Variants in DNAH11 observed in about 807,000 individuals in gnomAD.
The protein encoded by DNAH11 is dynein axonemal heavy chain 11.
DNAH11 carries 442 observed loss-of-function variants against 526.0 expected under a neutral mutation model. The ratio of observed to expected loss-of-function variants is 0.84; its 90% CI spans 0.78 to 0.91. The LOEUF (loss-of-function observed/expected upper bound fraction) is 0.91, where lower values mean the gene tolerates loss of function less well. Among genes scored for constraint, DNAH11 ranks in the 40% least tolerant of loss-of-function variants. The pLI is 0.00. For missense variants in DNAH11, 6,989 were observed against 5,448.7 expected, an observed-to-expected ratio of 1.28 and a Z score of -8.90; for synonymous variants, 2,461 against 1,935.9, an observed-to-expected ratio of 1.27 and a Z score of -7.12.
chr7:21,690,844 C>G lies in DNAH11; in HGVS notation c.6004C>G (p.Arg2002Gly), dbSNP rs373844629. The G allele has an allele frequency of 1.2e-6, 2 of 1,612,578 alleles. No individual in the cohort carries two copies. Among genetic ancestry groups the G allele is most frequent in the Non-Finnish European group, 1.7e-6 (2 of 1,179,408 alleles). ...TACTATGAACCCGGGTTATGCTGGT[C>G]GAACCGAATTACCGGAAAATCTCAA... The part of the protein sequence containing the change: ...FITMNPGYAG[R>G]TELPENLKAL... The change falls in exon 35 of 82, where the codon CGA becomes GGA. Residue 2002 changes from arginine (R) to glycine (G), a missense_variant. Coordinates refer to ENST00000409508, the MANE Select transcript of DNAH11 (RefSeq NM_001277115.2).
rs979774970 is a variant in DNAH11 at position 21,661,424 on chromosome 7, G to T, written c.5328+2393G>T. Among the ~76,000 whole-genome samples the T allele has an allele frequency of 1.8e-4, 27 of 151,736 alleles. 1 individual carries two copies. The highest frequency in any genetic ancestry group is 7.2e-4 in the Admixed American group (11 of 15,218). Reference sequence around the variant, plus strand: ...ACTTCCTTTTTGATAATCCAGCTGGGTATAGAATTCTAAGTTGATAGTTTT... The same window carrying T: ...ACTTCCTTTTTGATAATCCAGCTGGTTATAGAATTCTAAGTTGATAGTTTT... On this transcript the variant is annotated intron_variant, in intron 30 of 81. Coordinates refer to ENST00000409508, the MANE Select transcript of DNAH11 (RefSeq NM_001277115.2).
intron 34 of DNAH11, among the ~76,000 whole-genome samples, chr7:21,689,828 G>A (rs537975698): frequency 5.9e-5 from 9 of 152,306 alleles, no homozygotes; most frequent in African/African-American, 2.2e-4. Flanking sequence ...TCTCAGCAAT[G>A]CAAGAGATCA....
At chr7:21,706,172 A>C (rs978935558) in intron 39 of DNAH11, among the ~76,000 whole-genome samples, 1 of 152,000 alleles carries the variant, frequency 6.6e-6, no homozygotes, top group African/African-American at 2.4e-5. Context: ...TGTATGATTT[A>C]CTCGGCACAA....
At chr7:21,681,861 C>T in intron 31 of DNAH11, 184 bp downstream of exon 31, 1 of 779,500 alleles carries the variant, frequency 1.3e-6, no homozygotes, top group Non-Finnish European at 2.2e-6. Flanking sequence ...TCTGATGAGA[C>T]CTATTCCAAG....
intron 63 of DNAH11, among the ~76,000 whole-genome samples, chr7:21,811,405 G>A (rs189172856): frequency 2.2e-4 from 34 of 151,610 alleles, no homozygotes; most frequent in Middle Eastern, 3.4e-3. Context: ...GCAGTGAGCC[G>A]AGATCGCGCC....
In DNAH11 at chr7:21,842,716, A is replaced by C. The variant is rs770389913; in HGVS notation, c.10864A>C (p.Ser3622Arg). 4 of 1,612,414 alleles carry C rather than the reference A, an allele frequency of 2.5e-6. No individual in the cohort carries two copies. The highest frequency in any genetic ancestry group is 4.5e-5 in the East Asian group (2 of 44,878). ...LEAQLLAEVV[S>R]IERPDLEKLK... ...AGCCCAGCTGCTGGCAGAGGTTGTC[A>C]GTATTGAAAGGCCAGATTTGGAGAA... Residue 3622 changes from serine to arginine, a missense_variant, in exon 66 of 82, where the codon AGT (serine) becomes CGT (arginine). Transcript: ENST00000409508.
chr7:21,898,373 TTTC>T (rs1464347630), intron 79 of DNAH11, among the ~76,000 whole-genome samples: 1 of 152,210 alleles, frequency 6.6e-6, no homozygotes, highest in African/African-American at 2.4e-5. Context: ...TTCTGAGCCT[TTTC>T]TTCTTCACGG....
At chr7:21,821,621 A>G (rs1451424132) in intron 65 of DNAH11, among the ~76,000 whole-genome samples, 1 of 152,124 alleles carries the variant, frequency 6.6e-6, no homozygotes, top group Non-Finnish European at 1.5e-5. Context: ...GGTACATGAG[A>G]TATTTTGATA....
In DNAH11 at chr7:21,679,043, G is replaced by C. The variant is rs535660823; in HGVS notation, c.5329-2503G>C. ...ACTCATGCCCATGCACACACACACA[G>C]AGGAATATGATTTAGCCTTTACAAA... On this transcript the variant is annotated intron_variant, in intron 30 of 81. Transcript: ENST00000409508. Among the ~76,000 whole-genome samples, 32 of 152,240 alleles carry C rather than the reference G, an allele frequency of 2.1e-4. No individual in the cohort carries two copies. In the South Asian group the frequency reaches 5.2e-3, roughly 25 times the overall value.
Position 21,570,122 on chromosome 7 carries a change from A to G in DNAH11, c.1248A>G (p.Ser416=). The G allele has an allele frequency of 6.2e-7, 1 of 1,612,968 alleles. No homozygotes were observed. The highest frequency in any genetic ancestry group is 1.1e-5 in the South Asian group (1 of 90,960). ...TTTTGAGGGGAGAAATAGAAGAGTC[A>G]CTGGAAAAGGTGCAGGTGGCTGTTA... ...EDLLRGEIEE[S]LEKVQVAVNI... The change falls in exon 7 of 82, where the codon TCA becomes TCG. Residue 416 remains serine, a synonymous_variant. Coordinates refer to ENST00000409508, the MANE Select transcript of DNAH11 (RefSeq NM_001277115.2).
intron 54 of DNAH11, among the ~76,000 whole-genome samples, chr7:21,754,466 AT>A (rs1437477216): frequency 5.9e-5 from 9 of 152,126 alleles, no homozygotes; most frequent in Non-Finnish European, 1.0e-4. Flanking sequence ...GATCAGTTTT[AT>A]ATTCATCTCT....
rs764847573 is a variant in DNAH11, at chr7:21,750,402, C to G, written c.8940+38C>G. The G allele has an allele frequency of 4.5e-6, 7 of 1,566,260 alleles. No individual in the cohort carries two copies. The Admixed American group carries it at 5.7e-5, about 13-fold the overall frequency. On this transcript the variant is annotated intron_variant, in intron 54 of 81. Coordinates refer to ENST00000409508, the MANE Select transcript of DNAH11 (RefSeq NM_001277115.2). ...TGCTTAATTTGCATGTTAGTTAAAA[C>G]CTGCTATTGCAACTCTCTGGTTCTA...
In DNAH11 at chr7:21,900,656, T is replaced by G. The variant is rs927761431; in HGVS notation, c.13304-351T>G. 2.0e-5 allele frequency among the ~76,000 whole-genome samples: 3 copies of G among 152,130 alleles called. No individual in the cohort carries two copies. In the East Asian group the frequency reaches 5.8e-4, roughly 29 times the overall value. On this transcript the variant is annotated intron_variant, in intron 81 of 81. Coordinates refer to ENST00000409508, the MANE Select transcript of DNAH11 (RefSeq NM_001277115.2). ...TTAAAGCAAGTGCCACAAGTTCTGG[T>G]GTAAAAGAATAAGGTGCGACGGGGA...
intron 54 of DNAH11, among the ~76,000 whole-genome samples, chr7:21,755,506 GTA>G (rs762453422): frequency 2.0e-5 from 3 of 150,780 alleles, no homozygotes; most frequent in Non-Finnish European, 3.0e-5. Context: ...ATCTTTCTAA[GTA>G]TATATATATA....
At chr7:21,727,610 T>G (rs1349326360) in intron 45 of DNAH11, among the ~76,000 whole-genome samples, 2 of 152,230 alleles carry the variant, frequency 1.3e-5, no homozygotes, top group Non-Finnish European at 2.9e-5. Flanking sequence ...TGTGTTTTCC[T>G]TTTCATATTA....
At chr7:21,554,789 G>C (rs1366179685) in intron 2 of DNAH11, among the ~76,000 whole-genome samples, 1 of 152,302 alleles carries the variant, frequency 6.6e-6, no homozygotes, top group South Asian at 2.1e-4. Flanking sequence ...GTCTCTCCCT[G>C]TCTATGGGAG....
intron 66 of DNAH11, among the ~76,000 whole-genome samples, chr7:21,849,886 T>A (rs2128022110): frequency 6.6e-6 from 1 of 152,314 alleles, no homozygotes; most frequent in East Asian, 1.9e-4. Flanking sequence ...TTAGCTACCA[T>A]TATTTCCAAT....
chr7:21,707,142 C>A (rs1037128046), intron 39 of DNAH11, among the ~76,000 whole-genome samples: 4 of 152,204 alleles, frequency 2.6e-5, no homozygotes, highest in African/African-American at 9.6e-5. Context: ...ACAGTCTTTT[C>A]TTGAGAACCA....
At chr7:21,856,361 C>T (rs1782849332) in intron 68 of DNAH11, among the ~76,000 whole-genome samples, 1 of 152,220 alleles carries the variant, frequency 6.6e-6, no homozygotes, top group East Asian at 1.9e-4. Flanking sequence ...AAGGATCAAG[C>T]ATAACTAGCA....
Sources: allele counts gnomAD v4.1 joint callset (sites outside exome capture counted in the v4.1 genomes callset), GRCh38; gene constraint gnomAD v4.1.1; transcripts MANE v1.5; gene names NCBI Gene and HGNC (gene_info 2026-07-23, HGNC 2026-07-21).